The following PDSS2 variants were observed in gnomAD, a reference collection of about 807,000 sequenced individuals.
The protein encoded by PDSS2 is all trans-polyprenyl-diphosphate synthase PDSS2.
A neutral mutation model predicts 44.5 loss-of-function variants in PDSS2; 31 were observed. The ratio of observed to expected loss-of-function variants is 0.70; its 90% confidence interval spans 0.52 to 0.94. The LOEUF is 0.94. Ranked by LOEUF, PDSS2 falls within the 40% of genes least tolerant of loss-of-function variation. The pLI is 0.00. For synonymous variants in PDSS2, 157 were observed against 180.3 expected (o/e 0.87, Z 1.03); for missense variants, 452 against 482.2 (o/e 0.94, Z 0.59).
chr6:107,450,116 T>C (rs1369210767), intron 1 of PDSS2, among the ~76,000 whole-genome samples: 1 of 152,180 alleles, frequency 6.6e-6, no homozygotes, highest in East Asian at 1.9e-4. Context: ...ATGAATGAGA[T>C]TGACTTTTTT....
chr6:107,339,685 G>A (rs1382310054), intron 1 of PDSS2, among the ~76,000 whole-genome samples: 2 of 151,902 alleles, frequency 1.3e-5, no homozygotes, highest in Non-Finnish European at 2.9e-5. Context: ...TGATGACTGA[G>A]TTGATATCCA....
At chr6:107,288,759 T>G (rs1012485403) in intron 2 of PDSS2, among the ~76,000 whole-genome samples, 4 of 142,518 alleles carry the variant, frequency 2.8e-5, no homozygotes, top group South Asian at 4.8e-4. Context: ...AATTGTTTTT[T>G]TTTTTTTTTT....
intron 7 of PDSS2, among the ~76,000 whole-genome samples, chr6:107,190,009 A>G (rs1772316132): frequency 6.6e-6 from 1 of 151,992 alleles, no homozygotes; most frequent in Admixed American, 6.6e-5. Flanking sequence ...ATTTGAGCCC[A>G]GGAGTGGGAG....
chr6:107,456,698 C>T (rs955183367), intron 1 of PDSS2, among the ~76,000 whole-genome samples: 1 of 152,134 alleles, frequency 6.6e-6, no homozygotes, highest in African/African-American at 2.4e-5. Context: ...TGCATCCCCA[C>T]GCCCAACTAA....
At chr6:107,182,948 C>T (rs1002720107) in intron 7 of PDSS2, among the ~76,000 whole-genome samples, 2 of 152,124 alleles carry the variant, frequency 1.3e-5, no homozygotes, top group Non-Finnish European at 2.9e-5. Flanking sequence ...TGGTGGCTCA[C>T]ACCTGTAATC....
At chr6:107,395,259 T>C (rs1228651614) in intron 1 of PDSS2, among the ~76,000 whole-genome samples, 1 of 152,152 alleles carries the variant, frequency 6.6e-6, no homozygotes, top group Non-Finnish European at 1.5e-5. Flanking sequence ...TTATGATGTA[T>C]CCTGGTGCTG....
At chr6:107,210,313 G>T in intron 6 of PDSS2, 126 bp downstream of exon 6, 1 of 749,320 alleles carries the variant, frequency 1.3e-6, no homozygotes, top group East Asian at 2.5e-5. Context: ...ACAAAGAAAG[G>T]ATTTTACCTG....
At chr6:107,234,396 C>T (rs922431051) in intron 4 of PDSS2, among the ~76,000 whole-genome samples, 4 of 151,730 alleles carry the variant, frequency 2.6e-5, no homozygotes, top group African/African-American at 4.8e-5. Context: ...GTAGCGACGG[C>T]GTTTCACCAT....
At chr6:107,181,847 G>A (rs1484434712) in intron 7 of PDSS2, among the ~76,000 whole-genome samples, 9 of 148,252 alleles carry the variant, frequency 6.1e-5, no homozygotes, top group Non-Finnish European at 1.2e-4. Flanking sequence ...CCAAGATTGT[G>A]CCACTGCACT....
At chr6:107,302,732 A>C (rs1420479359) in intron 2 of PDSS2, among the ~76,000 whole-genome samples, 1 of 152,092 alleles carries the variant, frequency 6.6e-6, no homozygotes, top group Non-Finnish European at 1.5e-5. Flanking sequence ...CCTGTAAAAA[A>C]ATTAAAATAA....
chr6:107,212,137 T>C lies in PDSS2; in HGVS notation c.848A>G (p.Tyr283Cys). The C allele has an allele frequency of 1.9e-6, 3 of 1,614,158 alleles. No individual in the cohort carries two copies. The highest frequency in any genetic ancestry group is 2.2e-5 in the South Asian group (2 of 91,082). The change falls in exon 5 of 8, where the codon TAT becomes TGT. Residue 283 changes from tyrosine to cysteine, a missense_variant. By Grantham distance (194) the Tyr-to-Cys change is radical (BLOSUM62 -2). Transcript: ENST00000369037. ...DAEVQNMAFQ[Y>C]GKHMAMSHKI... ...ATGACTCATGGCCATGTGCTTCCCA[T>C]ACTGAAATGCCATATTCTGAACCTC...
At chr6:107,232,187 A>G (rs1486035457) in intron 4 of PDSS2, among the ~76,000 whole-genome samples, 1 of 152,184 alleles carries the variant, frequency 6.6e-6, no homozygotes, top group African/African-American at 2.4e-5. Context: ...TTCCTTAGTT[A>G]GATTTACTTG....
chr6:107,360,448 C>T (rs1404595647), intron 1 of PDSS2, among the ~76,000 whole-genome samples: 1 of 152,154 alleles, frequency 6.6e-6, no homozygotes, highest in African/African-American at 2.4e-5. Context: ...GAATTAGTGA[C>T]CAAATGTGAG....
intron 3 of PDSS2, among the ~76,000 whole-genome samples, chr6:107,247,512 C>A (rs973113831): frequency 6.6e-6 from 1 of 152,158 alleles, no homozygotes; most frequent in Admixed American, 6.5e-5. Flanking sequence ...ACACCTCCAC[C>A]TCCATAGCCA....
intron 2 of PDSS2, among the ~76,000 whole-genome samples, chr6:107,296,670 T>C (rs1776519284): frequency 6.6e-6 from 1 of 152,172 alleles, no homozygotes; most frequent in East Asian, 1.9e-4. Context: ...GAGGTTGCAG[T>C]GAGCCAAGAT....
At chr6:107,249,723 G>C (rs1774749268) in intron 3 of PDSS2, among the ~76,000 whole-genome samples, 1 of 152,146 alleles carries the variant, frequency 6.6e-6, no homozygotes. Flanking sequence ...GTCATGAGCT[G>C]GCTTCTCCTG....
At chr6:107,334,689 C>T (rs1777824214) in intron 1 of PDSS2, among the ~76,000 whole-genome samples, 1 of 147,268 alleles carries the variant, frequency 6.8e-6, no homozygotes, top group African/African-American at 2.5e-5. Context: ...TTTAGGTATG[C>T]ACCACGATGC....
At chr6:107,274,797 C>T (rs1276853120) in intron 2 of PDSS2, among the ~76,000 whole-genome samples, 3 of 151,710 alleles carry the variant, frequency 2.0e-5, no homozygotes, top group South Asian at 2.1e-4. Context: ...TTCAGCCTCC[C>T]GAGTAGCTGG....
chr6:107,293,565 G>A (rs1033424436), intron 2 of PDSS2, among the ~76,000 whole-genome samples: 2 of 152,170 alleles, frequency 1.3e-5, no homozygotes, highest in Admixed American at 1.3e-4. Flanking sequence ...CTGGCAGGTG[G>A]AGGATTAAAG....
Sources: allele counts gnomAD v4.1 joint callset (sites outside exome capture counted in the v4.1 genomes callset), GRCh38; gene constraint gnomAD v4.1.1; transcripts MANE v1.5; gene names NCBI Gene and HGNC (gene_info 2026-07-23, HGNC 2026-07-21).